The following SLC36A1 variants were observed in gnomAD, a reference collection of about 807,000 sequenced individuals.
SLC36A1 encodes the protein solute carrier family 36 member 1.
In SLC36A1, 30 loss-of-function variants were observed where a neutral mutation model predicts 47.5. The observed-to-expected ratio is 0.63, with a 90% CI of 0.47 to 0.86. The LOEUF is 0.86. SLC36A1 is among the 40% of genes least tolerant of loss of function. The pLI is 0.00. For synonymous variants in SLC36A1, 255 were observed against 249.7 expected, an observed-to-expected ratio of 1.02 and a Z score of -0.20; for missense variants, 517 against 606.0, an observed-to-expected ratio of 0.85 and a Z score of 1.54.
chr5:151,357,327 C>T, the SLC36A1 span, among the ~76,000 whole-genome samples: 4 of 152,230 alleles, frequency 2.6e-5, no homozygotes, highest in African/African-American at 9.6e-5. Flanking sequence ...CATGACAAAA[C>T]CCATCATTGT....
chr5:151,350,820 G>A, the SLC36A1 span, among the ~76,000 whole-genome samples: 2 of 151,922 alleles, frequency 1.3e-5, no homozygotes, highest in African/African-American at 4.8e-5. Context: ...TCCCACCTCA[G>A]CCTCCCAAGT....
chr5:151,525,116 G>A, the SLC36A1 span, among the ~76,000 whole-genome samples: 2 of 152,158 alleles, frequency 1.3e-5, no homozygotes, highest in Non-Finnish European at 2.9e-5. Flanking sequence ...GTCGAGAGAT[G>A]GACTGACTGA....
the SLC36A1 span, chr5:151,347,500 T>A: frequency 1.2e-6 from 2 of 1,611,048 alleles, no homozygotes; most frequent in Non-Finnish European, 1.7e-6. Flanking sequence ...GACAAAGAGG[T>A]CTGCTCTGGA....
chr5:151,474,178 A>AAAAAAAAAAAAGAG (rs776318482), intron 8 of SLC36A1, among the ~76,000 whole-genome samples: 10,910 of 117,652 alleles, frequency 0.093, 1,049 homozygotes, highest in South Asian at 0.2. Context: ...AAAAAAAAAA[A>AAAAAAAAAAAAGAG]AGAAATTATC....
chr5:151,529,203 G>A, the SLC36A1 span: 1 of 1,614,072 alleles, frequency 6.2e-7, no homozygotes, highest in Admixed American at 1.7e-5. Context: ...ACCCACAAGG[G>A]CATTCTCTAA....
At chr5:151,468,705 C>T (rs1756933344) in intron 7 of SLC36A1, among the ~76,000 whole-genome samples, 1 of 151,642 alleles carries the variant, frequency 6.6e-6, no homozygotes, top group Admixed American at 6.6e-5. Context: ...GCAAAATCGC[C>T]CCCCCACCCA....
chr5:151,415,059 C>T, the SLC36A1 span, among the ~76,000 whole-genome samples: 1 of 152,096 alleles, frequency 6.6e-6, no homozygotes, highest in Non-Finnish European at 1.5e-5. Flanking sequence ...TCCTATCATC[C>T]ACCACCCAAC....
At chr5:151,518,693 C>T in the SLC36A1 span, among the ~76,000 whole-genome samples, 33 of 152,322 alleles carry the variant, frequency 2.2e-4, no homozygotes, top group African/African-American at 7.0e-4. Context: ...TCCTCCATCC[C>T]GCCTTAGCAA....
At chr5:151,478,431 G>T (rs1758368046) in intron 9 of SLC36A1, among the ~76,000 whole-genome samples, 2 of 152,160 alleles carry the variant, frequency 1.3e-5, no homozygotes, top group African/African-American at 4.8e-5. Context: ...GTCATTTTTG[G>T]AAGCTACACT....
At chr5:151,525,839 G>A in the SLC36A1 span, 2 of 1,613,974 alleles carry the variant, frequency 1.2e-6, no homozygotes, top group South Asian at 2.2e-5. Context: ...CATCCATCCG[G>A]GGTCACTCGG....
chr5:151,505,322 C>G, the SLC36A1 span: 1 of 564,426 alleles, frequency 1.8e-6, no homozygotes, highest in Non-Finnish European at 3.1e-6. Context: ...TCCAGGGTCA[C>G]TGCTCTAGAA....
chr5:151,345,332 A>G, the SLC36A1 span, among the ~76,000 whole-genome samples: 1 of 152,220 alleles, frequency 6.6e-6, no homozygotes, highest in African/African-American at 2.4e-5. Flanking sequence ...ACCAGGGATT[A>G]AACCTCAAGG....
chr5:151,354,613 G>C, the SLC36A1 span, among the ~76,000 whole-genome samples: 1 of 152,136 alleles, frequency 6.6e-6, no homozygotes, highest in East Asian at 1.9e-4. Context: ...TGTCCCTGGG[G>C]CCCTGTCCCT....
chr5:151,532,122 G>T, the SLC36A1 span: 1 of 1,004,994 alleles, frequency 1.0e-6, no homozygotes, highest in Non-Finnish European at 1.4e-6. Flanking sequence ...GGTCTCTCCA[G>T]CGGGGTGTCT....
At chr5:151,467,172 T>G in intron 5 of SLC36A1, 27 bp from the exon 6 acceptor site, 1 of 1,548,934 alleles carries the variant, frequency 6.5e-7, no homozygotes, top group Non-Finnish European at 8.8e-7. Context: ...GTAACAGTCT[T>G]TGTATTCCTT....
At chr5:151,518,963 C>G in the SLC36A1 span, among the ~76,000 whole-genome samples, 2 of 152,112 alleles carry the variant, frequency 1.3e-5, no homozygotes, top group African/African-American at 4.8e-5. Context: ...AGATACCTAG[C>G]AAAGAGGAAT....
At position 151,440,187 on chromosome 5, in the gene SLC36A1, C is replaced by T. The variant is rs1289102935; in HGVS notation, c.-6+3008C>T. Among the ~76,000 whole-genome samples the T allele has an allele frequency of 2.6e-5, 4 of 152,122 alleles. No homozygotes were observed. In the East Asian group the frequency reaches 5.8e-4, roughly 22 times the overall value. ...TTACAGTGTAGCAGGCAACACTCACCGCAGCTAGGGATGGGGCTGCAGCTC... is the reference window on the plus strand; with the variant it reads ...TTACAGTGTAGCAGGCAACACTCACTGCAGCTAGGGATGGGGCTGCAGCTC... On this transcript the variant is annotated intron_variant, in intron 1 of 8. Coordinates refer to the SLC36A1 transcript ENST00000429484.
the SLC36A1 span, chr5:151,540,893 G>GGC: frequency 5.2e-6 from 4 of 766,424 alleles, no homozygotes; most frequent in South Asian, 4.4e-5. Flanking sequence ...TCCTTAACTA[G>GGC]GAACCCACGA....
the SLC36A1 span, chr5:151,550,751 T>C: frequency 2.5e-6 from 4 of 1,614,064 alleles, no homozygotes; most frequent in African/African-American, 4.0e-5. Flanking sequence ...TCTTGATCTA[T>C]GGCCTGGACT....
Sources: gnomAD v4.1 joint callset for allele counts (sites outside exome capture counted in the v4.1 genomes callset) on GRCh38, gnomAD v4.1.1 for gene constraint, MANE v1.5 for transcripts, NCBI Gene and HGNC (gene_info 2026-07-23, HGNC 2026-07-21) for gene names.